Variants in UNC13C observed in about 807,000 individuals in gnomAD.
UNC13C encodes unc-13 homolog C.
UNC13C carries 174 observed loss-of-function variants against 245.4 expected under a neutral mutation model. The ratio of observed to expected loss-of-function variants is 0.71; its 90% confidence interval spans 0.63 to 0.80. The LOEUF is 0.80. Ranked by LOEUF, UNC13C falls within the 30% of genes least tolerant of loss-of-function variation. UNC13C has a pLI of 0.00. For synonymous variants in UNC13C, 992 were observed against 895.1 expected (o/e 1.11, Z -1.93); for missense variants, 2,829 against 2,602.9 (o/e 1.09, Z -1.89).
chr15:53,897,672 C>G, the UNC13C span, among the ~76,000 whole-genome samples: 1 of 152,196 alleles, frequency 6.6e-6, no homozygotes, highest in Non-Finnish European at 1.5e-5. Context: ...CAGGCCTTAC[C>G]CAATGCCATT....
At position 54,346,674 on chromosome 15, in the gene UNC13C, G is replaced by A. The variant is rs191067201; in HGVS notation, c.4713+8185G>A. Among the ~76,000 whole-genome samples, 32 of 152,308 alleles carry A rather than the reference G, an allele frequency of 2.1e-4. 1 individual carries two copies. The highest frequency in any genetic ancestry group is 7.8e-4 in the Admixed American group (12 of 15,302). On this transcript the variant is annotated intron_variant, in intron 17 of 32. Coordinates refer to ENST00000260323, the MANE Select transcript of UNC13C (RefSeq NM_001080534.3). The stretch of plus-strand genomic sequence containing the variant: ...AGAACAAGATAGAAGTGTGGTCTCC[G>A]GAGGCTGGCTCTGCACTCGGTAGGT...
In UNC13C at chr15:54,294,048, T is replaced by C; in HGVS notation, c.3972T>C (p.Asp1324=). The change falls in exon 11 of 33, where the codon GAT becomes GAC. Residue 1324 remains aspartate, a synonymous_variant. Coordinates refer to ENST00000260323, the MANE Select transcript of UNC13C (RefSeq NM_001080534.3). ...TGAGGACCTTGAGTGGAGAAATGGA[T>C]GTCTGGTACAACTTAGGTGATTTTT... ...VEVRTLSGEM[D]VWYNLEKRTD... 6 of 1,555,498 alleles carry C rather than the reference T, an allele frequency of 3.9e-6. No homozygotes were observed. The highest frequency in any genetic ancestry group is 4.3e-6 in the Non-Finnish European group (5 of 1,157,776).
chr15:54,228,689 A>C (rs944312337), intron 4 of UNC13C, among the ~76,000 whole-genome samples: 3 of 152,114 alleles, frequency 2.0e-5, no homozygotes, highest in Admixed American at 6.5e-5. Context: ...CAGAACTCTG[A>C]TTCCTTATTC....
At chr15:54,475,285 TTA>T (rs1892669096) in intron 19 of UNC13C, among the ~76,000 whole-genome samples, 1 of 103,652 alleles carries the variant, frequency 9.6e-6, no homozygotes, top group African/African-American at 3.4e-5. Flanking sequence ...TTTTTGTTTA[TTA>T]TTATTATTAT....
At chr15:54,332,677 C>T (rs1424491619) in intron 15 of UNC13C, among the ~76,000 whole-genome samples, 1 of 151,934 alleles carries the variant, frequency 6.6e-6, no homozygotes, top group Non-Finnish European at 1.5e-5. Context: ...AGTATACACA[C>T]ATATAATTTT....
At chr15:54,184,568 T>C (rs561880763) in intron 4 of UNC13C, among the ~76,000 whole-genome samples, 4,508 of 152,210 alleles carry the variant, frequency 0.03, 226 homozygotes, top group African/African-American at 0.1. Context: ...GTTTCCAGCT[T>C]CATCCATGTC....
the UNC13C span, among the ~76,000 whole-genome samples, chr15:53,962,104 C>T: frequency 1.3e-5 from 2 of 152,088 alleles, no homozygotes; most frequent in East Asian, 3.9e-4. Flanking sequence ...AAATTGTTTG[C>T]ATTATTTTTA....
the UNC13C span, among the ~76,000 whole-genome samples, chr15:53,952,596 A>G: frequency 6.6e-6 from 1 of 152,210 alleles, no homozygotes; most frequent in Non-Finnish European, 1.5e-5. Flanking sequence ...GGCTGCCAAC[A>G]TGGACTTCGT....
At chr15:54,250,927 T>A (rs1410591755) in intron 8 of UNC13C, among the ~76,000 whole-genome samples, 2 of 151,726 alleles carry the variant, frequency 1.3e-5, no homozygotes, top group Non-Finnish European at 2.9e-5. Context: ...TGGCTAATTT[T>A]TTGTATTTTT....
intron 13 of UNC13C, among the ~76,000 whole-genome samples, chr15:54,302,376 C>G (rs1444376107): frequency 1.3e-5 from 2 of 152,074 alleles, no homozygotes; most frequent in African/African-American, 4.8e-5. Context: ...ATACCTATGT[C>G]CTGAATGGAA....
At position 54,240,605 on chromosome 15, in the gene UNC13C, G is replaced by A. The variant is rs140079578; in HGVS notation, c.3228+2915G>A. On this transcript the variant is annotated intron_variant, in intron 7 of 32. Coordinates refer to ENST00000260323, the MANE Select transcript of UNC13C (RefSeq NM_001080534.3). ...ACCTAGCACTGCCTCCTTCACTAAC[G>A]CTCTGCTGGCCATGGGTGAAGCATC... 5.8e-3 allele frequency among the ~76,000 whole-genome samples: 882 copies of A among 152,226 alleles called. 12 individuals are homozygous for A. Among genetic ancestry groups the A allele is most frequent in the African/African-American group, 0.02 (836 of 41,538 alleles).
downstream of UNC13C, chr15:54,629,433 A>G (rs965762531): frequency 6.6e-6 from 1 of 152,170 alleles, no homozygotes; most frequent in African/African-American, 2.4e-5. Context: ...AATCTAAAAT[A>G]AAAGTTTTTA....
At chr15:53,918,409 A>G in the UNC13C span, among the ~76,000 whole-genome samples, 2 of 152,212 alleles carry the variant, frequency 1.3e-5, no homozygotes, top group African/African-American at 4.8e-5. Context: ...CAGCTTGTTA[A>G]CAGTCTCTTT....
chr15:54,546,264 A>G (rs148443700), intron 26 of UNC13C, among the ~76,000 whole-genome samples: 27,536 of 152,036 alleles, frequency 0.18, 4,325 homozygotes, highest in African/African-American at 0.42. Flanking sequence ...GTGGGAGTTG[A>G]ACAATGAGAA....
chr15:54,495,513 CTT>C (rs1893909719), intron 20 of UNC13C, among the ~76,000 whole-genome samples: 1 of 151,712 alleles, frequency 6.6e-6, no homozygotes. Context: ...TTGATGTAGA[CTT>C]TATAAAATTT....
At chr15:54,377,450 C>A (rs757597889) in intron 17 of UNC13C, among the ~76,000 whole-genome samples, 1 of 152,180 alleles carries the variant, frequency 6.6e-6, no homozygotes, top group Non-Finnish European at 1.5e-5. Flanking sequence ...GCTATTCAGC[C>A]TCTGTCATGA....
chr15:53,877,537 G>A, the UNC13C span, among the ~76,000 whole-genome samples: 3 of 152,088 alleles, frequency 2.0e-5, no homozygotes, highest in Admixed American at 2.0e-4. Context: ...GAGAAACTAG[G>A]TTAAATAGGA....
At chr15:54,217,706 T>G (rs2035083536) in intron 4 of UNC13C, among the ~76,000 whole-genome samples, 1 of 151,932 alleles carries the variant, frequency 6.6e-6, no homozygotes, top group African/African-American at 2.4e-5. Context: ...AGGCAAGTAA[T>G]TTTTTTCATT....
chr15:54,565,964 C>T (rs903758708), intron 29 of UNC13C, among the ~76,000 whole-genome samples: 3 of 151,944 alleles, frequency 2.0e-5, no homozygotes, highest in African/African-American at 4.8e-5. Context: ...TGCTCCTCCT[C>T]GTCCTCTTTT....
Sources: allele counts gnomAD v4.1 joint callset (sites outside exome capture counted in the v4.1 genomes callset), GRCh38; gene constraint gnomAD v4.1.1; transcripts MANE v1.5; gene names NCBI Gene and HGNC (gene_info 2026-07-23, HGNC 2026-07-21).